The following PALB2 variants were observed in gnomAD, a reference collection of about 807,000 sequenced individuals.
PALB2 encodes the protein mutant partner and localizer of BRCA2.
In PALB2, 82 loss-of-function variants were observed where a neutral mutation model predicts 107.4. The ratio of observed to expected loss-of-function variants is 0.76; its 90% CI spans 0.64 to 0.92. PALB2 has a LOEUF of 0.92. Ranked by LOEUF, PALB2 falls within the 40% of genes least tolerant of loss-of-function variation. The pLI, the probability that PALB2 is intolerant of heterozygous loss-of-function variation, is 0.00. For missense variants in PALB2, 1,374 were observed against 1,379.9 expected (o/e 1.00, Z 0.07); for synonymous variants, 489 against 496.8 (o/e 0.98, Z 0.21).
chr16:23,627,493 C>CAAAAAAAA (rs749429582), intron 6 of PALB2, among the ~76,000 whole-genome samples: 1 of 54,714 alleles, frequency 1.8e-5, no homozygotes, highest in African/African-American at 7.1e-5. Context: ...GACTCCGTCT[C>CAAAAAAAA]AAAAAAAAAA....
chr16:23,626,435 G>A (rs180177119), intron 6 of PALB2, 38 bp from the exon 7 acceptor site: 12 of 1,612,098 alleles, frequency 7.4e-6, no homozygotes, highest in Admixed American at 5.0e-5. Flanking sequence ...AGTGGCACTC[G>A]AGTGCTGTTT....
chr16:23,633,896 A>G (rs931148767), intron 4 of PALB2, among the ~76,000 whole-genome samples: 1 of 151,866 alleles, frequency 6.6e-6, no homozygotes, highest in African/African-American at 2.4e-5. Context: ...TTTTGTAGAG[A>G]TGGGGTTTCA....
At position 23,640,547 on chromosome 16, in the gene PALB2, G is replaced by A. The variant is rs536650465; in HGVS notation, c.48+563C>T. ...AAAAGGAAGAAAAAAGAAACAAAACGAGGGCACTTCCAAACTACAACATAC... is the reference window on the plus strand; with the variant it reads ...AAAAGGAAGAAAAAAGAAACAAAACAAGGGCACTTCCAAACTACAACATAC... On this transcript the variant is annotated intron_variant, in intron 1 of 12. Transcript: ENST00000261584. 11 of 229,750 alleles carry A rather than the reference G, an allele frequency of 4.8e-5. No homozygotes were observed. The East Asian group carries it at 6.2e-4, about 13-fold the overall frequency. The allele number at this position is 229,750 out of a possible 1,614,324, so 14.2% of individuals were successfully genotyped here.
At chr16:23,637,758 AT>A in intron 3 of PALB2, 91 bp downstream of exon 3, 2 of 938,368 alleles carry the variant, frequency 2.1e-6, no homozygotes, top group Non-Finnish European at 3.5e-6. Context: ...ATTGCTAGTC[AT>A]TATCTTCACA....
intron 5 of PALB2, 59 bp downstream of exon 5, chr16:23,629,581 A>G: frequency 6.6e-7 from 1 of 1,511,860 alleles, no homozygotes; most frequent in Non-Finnish European, 9.2e-7. Context: ...CATGCTGTTT[A>G]CATTCACTAA....
rs587776424 is a variant in PALB2 at position 23,603,590 on chromosome 16, GAAGT to G, written c.3426_3429del (p.Leu1142PhefsTer20). ...GGGAGGAGGGCAGTACACTGACCGA[GAAGT>G]AAGTCCCAAATGGCAATTGTTCCAG... On this transcript the variant is annotated frameshift_variant, in exon 13 of 13. Transcript: ENST00000261584. LOFTEE classifies it high-confidence loss of function. 6.2e-7 allele frequency: 1 copy of G among 1,614,132 alleles called. No individual in the cohort carries two copies. Among genetic ancestry groups the G allele is most frequent in the Non-Finnish European group, 8.5e-7 (1 of 1,180,030 alleles).
chr16:23,641,057 C>T, intron 1 of PALB2, 53 bp downstream of exon 1: 1 of 1,601,228 alleles, frequency 6.2e-7, no homozygotes, highest in East Asian at 2.2e-5. Flanking sequence ...GGCCTAAAAC[C>T]CTGGGAAAGC....
chr16:23,640,050 C>A (rs1184958165), intron 1 of PALB2, among the ~76,000 whole-genome samples: 1 of 152,034 alleles, frequency 6.6e-6, no homozygotes, highest in African/African-American at 2.4e-5. Flanking sequence ...CGTCACCACA[C>A]CCGGCTAATT....
intron 1 of PALB2, among the ~76,000 whole-genome samples, chr16:23,638,773 G>A (rs1252908266): frequency 6.6e-6 from 1 of 152,176 alleles, no homozygotes; most frequent in African/African-American, 2.4e-5. Flanking sequence ...CCTACTGACA[G>A]GGACTACTTT....
chr16:23,636,260 TC>T lies in PALB2; in HGVS notation c.285del (p.Thr96HisfsTer81). On this transcript the variant is annotated frameshift_variant, in exon 4 of 13. Coordinates refer to ENST00000261584, the MANE Select transcript of PALB2 (RefSeq NM_024675.4). LOFTEE classifies it high-confidence loss of function. ...KTHLDEETGE[K>X]TSITLDVGPE... The stretch of plus-strand genomic sequence containing the variant: ...GGCCCAACATCAAGTGTGATAGATG[TC>T]TTTTCTCCAGTTTCTTCATCAAGAT... 6.2e-7 allele frequency: 1 copy of T among 1,613,896 alleles called. No homozygotes were observed. The highest frequency in any genetic ancestry group is 8.5e-7 in the Non-Finnish European group (1 of 1,179,934).
chr16:23,616,995 G>A (rs1356677398), intron 10 of PALB2, among the ~76,000 whole-genome samples: 2 of 152,020 alleles, frequency 1.3e-5, no homozygotes, highest in Non-Finnish European at 2.9e-5. Flanking sequence ...TGTATTTTTA[G>A]TAGAGACGGG....
chr16:23,628,143 G>C (rs1005337768), intron 6 of PALB2, among the ~76,000 whole-genome samples: 4 of 152,246 alleles, frequency 2.6e-5, no homozygotes, highest in African/African-American at 9.6e-5. Flanking sequence ...AGAATTGCTT[G>C]AACCTGTAGG....
chr16:23,641,167 G>A lies in PALB2; in HGVS notation c.-10C>T, dbSNP rs1038099508. The stretch of plus-strand genomic sequence containing the variant: ...CGGGAGGCTCGTCCATCGGGCAGGC[G>A]ACAGAACGAAAAGAGCAGCCGTCGC... On this transcript the variant is annotated 5_prime_UTR_variant, in exon 1 of 13. Transcript: ENST00000261584. The A allele has an allele frequency of 6.8e-6, 11 of 1,612,254 alleles. No individual in the cohort carries two copies. Among genetic ancestry groups the A allele is most frequent in the Middle Eastern group, 1.8e-4 (1 of 5,600 alleles).
At chr16:23,608,059 T>G (rs755495425) in intron 11 of PALB2, 47 bp from the exon 12 acceptor site, 1 of 1,586,420 alleles carries the variant, frequency 6.3e-7, no homozygotes, top group Non-Finnish European at 8.7e-7. Flanking sequence ...GTCAAGAGTA[T>G]GTCAGGAAAA....
intron 4 of PALB2, among the ~76,000 whole-genome samples, chr16:23,630,700 A>C (rs983142782): frequency 1.3e-5 from 2 of 152,220 alleles, no homozygotes; most frequent in African/African-American, 4.8e-5. Flanking sequence ...ACTCAAATAT[A>C]CTAAAAAATG....
At chr16:23,615,887 C>T (rs1428382551) in intron 10 of PALB2, among the ~76,000 whole-genome samples, 1 of 152,108 alleles carries the variant, frequency 6.6e-6, no homozygotes, top group Non-Finnish European at 1.5e-5. Flanking sequence ...TGGTCTCAAA[C>T]TCCTGACCTC....
intron 10 of PALB2, among the ~76,000 whole-genome samples, chr16:23,614,854 T>G (rs1488938276): frequency 6.6e-6 from 1 of 151,282 alleles, no homozygotes; most frequent in Non-Finnish European, 1.5e-5. Context: ...GTTTCACCGT[T>G]TTAGCCGGGA....
At chr16:23,606,939 G>A (rs959184602) in intron 12 of PALB2, among the ~76,000 whole-genome samples, 7 of 148,622 alleles carry the variant, frequency 4.7e-5, no homozygotes, top group African/African-American at 1.0e-4. Context: ...CCAGCCTCCC[G>A]AGTAGCTGGG....
intron 7 of PALB2, among the ~76,000 whole-genome samples, chr16:23,624,917 G>A (rs557684595): frequency 1.3e-5 from 2 of 152,338 alleles, no homozygotes; most frequent in African/African-American, 4.8e-5. Flanking sequence ...AGACCAGAAG[G>A]AAATACATGT....
Sources: gnomAD v4.1 joint callset for allele counts (sites outside exome capture counted in the v4.1 genomes callset) on GRCh38, gnomAD v4.1.1 for gene constraint, MANE v1.5 for transcripts, NCBI Gene and HGNC (gene_info 2026-07-23, HGNC 2026-07-21) for gene names.